The following EPHA3 variants were observed in gnomAD, a reference collection of about 807,000 sequenced individuals.
EPHA3 encodes the protein EPH receptor A3, also known as ephrin type-A receptor 3.
EPHA3 carries 42 observed loss-of-function variants against 107.1 expected under a neutral mutation model. That is an observed-to-expected ratio of 0.39 (90% CI 0.31 to 0.51). The LOEUF is 0.51. Ranked by LOEUF, EPHA3 falls within the 20% of genes least tolerant of loss-of-function variation. The pLI is 0.78. For synonymous variants in EPHA3, 461 were observed against 424.8 expected (o/e 1.09, Z -1.05); for missense variants, 1,183 against 1,211.2 (o/e 0.98, Z 0.35).
intron 5 of EPHA3, among the ~76,000 whole-genome samples, chr3:89,356,398 A>G (rs9836060): frequency 0.35 from 53,074 of 150,440 alleles, 11,919 homozygotes; most frequent in African/African-American, 0.57. Flanking sequence ...AGATCCCTGA[A>G]GAATCGCCAC....
intron 12 of EPHA3, among the ~76,000 whole-genome samples, chr3:89,429,718 CT>C (rs1709528458): frequency 6.6e-6 from 1 of 151,908 alleles, no homozygotes; most frequent in East Asian, 1.9e-4. Flanking sequence ...ATCTATCTAT[CT>C]ATCTATCTAT....
At position 89,317,045 on chromosome 3, in the gene EPHA3, A is replaced by G. The variant is rs566441807; in HGVS notation, c.815-23871A>G. 2.0e-5 allele frequency among the ~76,000 whole-genome samples: 3 copies of G among 151,728 alleles called. No individual in the cohort carries two copies. The South Asian group carries it at 6.2e-4, about 31-fold the overall frequency. The stretch of plus-strand genomic sequence containing the variant: ...ACCGTACCATATCCATCCTACTGCC[A>G]CTCAAGGCTGCCCTCCTTTTTAAAA... On this transcript the variant is annotated intron_variant, in intron 3 of 16. Transcript: ENST00000336596.
chr3:89,438,094 T>C (rs959298801), intron 13 of EPHA3, among the ~76,000 whole-genome samples: 3 of 152,202 alleles, frequency 2.0e-5, no homozygotes, highest in African/African-American at 7.2e-5. Flanking sequence ...ATTTCATTTT[T>C]GTTTTTTTGT....
intron 3 of EPHA3, among the ~76,000 whole-genome samples, chr3:89,335,436 A>G (rs1207428407): frequency 2.0e-5 from 3 of 152,176 alleles, no homozygotes; most frequent in Middle Eastern, 3.2e-3. Flanking sequence ...TTCAACATAT[A>G]TATTTTAGGG....
intron 3 of EPHA3, among the ~76,000 whole-genome samples, chr3:89,278,005 A>AT (rs887861626): frequency 1.2e-4 from 18 of 151,938 alleles, no homozygotes; most frequent in South Asian, 8.3e-4. Flanking sequence ...AATGTATTTG[A>AT]TTTTTTTTGA....
intron 6 of EPHA3, among the ~76,000 whole-genome samples, chr3:89,398,022 C>T (rs1449383908): frequency 6.6e-6 from 1 of 151,994 alleles, no homozygotes; most frequent in African/African-American, 2.4e-5. Context: ...ATCACATATA[C>T]CTAAATTTAA....
intron 1 of EPHA3, among the ~76,000 whole-genome samples, chr3:89,110,355 T>A (rs1707074829): frequency 6.6e-6 from 1 of 151,984 alleles, no homozygotes; most frequent in Non-Finnish European, 1.5e-5. Flanking sequence ...TTGTGTGATG[T>A]GTTTTTTAAT....
intron 3 of EPHA3, among the ~76,000 whole-genome samples, chr3:89,261,692 C>T (rs1048266150): frequency 1.3e-5 from 2 of 151,874 alleles, no homozygotes; most frequent in African/African-American, 4.8e-5. Flanking sequence ...TTATTTGAAC[C>T]CAAAGTGGCC....
intron 13 of EPHA3, among the ~76,000 whole-genome samples, chr3:89,445,978 A>G (rs1332559655): frequency 6.6e-6 from 1 of 152,080 alleles, no homozygotes; most frequent in Non-Finnish European, 1.5e-5. Flanking sequence ...TCTAACAATA[A>G]TATGTGTGTG....
At chr3:89,172,772 A>G (rs562743730) in intron 2 of EPHA3, among the ~76,000 whole-genome samples, 191 of 152,360 alleles carry the variant, frequency 1.3e-3, no homozygotes, top group Non-Finnish European at 2.4e-3. Context: ...TAATAATAAC[A>G]GGACATCAAT....
chr3:89,426,556 G>A (rs1559692026), intron 11 of EPHA3, among the ~76,000 whole-genome samples: 1 of 151,744 alleles, frequency 6.6e-6, no homozygotes, highest in African/African-American at 2.4e-5. Flanking sequence ...TGGTCATGGG[G>A]CTTTGACTTA....
chr3:89,270,506 T>G (rs1193147020), intron 3 of EPHA3, among the ~76,000 whole-genome samples: 2 of 152,118 alleles, frequency 1.3e-5, no homozygotes, highest in Non-Finnish European at 2.9e-5. Context: ...TAAGGAGAGA[T>G]GCAATAATGT....
At chr3:89,402,803 C>G (rs1708990512) in intron 7 of EPHA3, among the ~76,000 whole-genome samples, 1 of 152,072 alleles carries the variant, frequency 6.6e-6, no homozygotes, top group African/African-American at 2.4e-5. Flanking sequence ...TCAAGCGATT[C>G]TATAGCTGGG....
At position 89,472,503 on chromosome 3, in the gene EPHA3, C is replaced by T. The variant is rs1287839298; in HGVS notation, c.2730C>T (p.Ile910=). The change falls in exon 16 of 17, where the codon ATC becomes ATT. Residue 910 remains isoleucine (I), a synonymous_variant. Coordinates refer to ENST00000336596, the MANE Select transcript of EPHA3 (RefSeq NM_005233.6). ...NLLLDQSNVD[I]TTFRTTGDWL... ...TTCTGGACCAAAGCAATGTGGATAT[C>T]ACTACCTTCCGCACAACAGGTGACT... The T allele has an allele frequency of 2.5e-6, 4 of 1,614,014 alleles. No homozygotes were observed. The highest frequency in any genetic ancestry group is 2.2e-5 in the East Asian group (1 of 44,872).
intron 3 of EPHA3, among the ~76,000 whole-genome samples, chr3:89,287,048 T>A (rs1706104485): frequency 6.6e-6 from 1 of 152,192 alleles, no homozygotes; most frequent in Non-Finnish European, 1.5e-5. Flanking sequence ...ACCTGACTAC[T>A]GGCAAGTCCT....
chr3:89,151,697 T>C (rs1240294686), intron 2 of EPHA3, among the ~76,000 whole-genome samples: 2 of 152,148 alleles, frequency 1.3e-5, no homozygotes, highest in African/African-American at 2.4e-5. Flanking sequence ...ACAAACAATA[T>C]ATTATTTTAG....
intron 3 of EPHA3, among the ~76,000 whole-genome samples, chr3:89,316,160 A>G (rs1559644133): frequency 6.6e-6 from 1 of 151,856 alleles, no homozygotes; most frequent in Non-Finnish European, 1.5e-5. Flanking sequence ...TATAGCTGGC[A>G]CGAAAGTAGG....
At chr3:89,282,339 G>C (rs1228077426) in intron 3 of EPHA3, among the ~76,000 whole-genome samples, 2 of 152,128 alleles carry the variant, frequency 1.3e-5, no homozygotes. Flanking sequence ...TTTGTTTTGA[G>C]TATTGAGGAA....
At chr3:89,213,589 G>A (rs9310115) in intron 3 of EPHA3, among the ~76,000 whole-genome samples, 115,033 of 151,822 alleles carry the variant, frequency 0.76, 44,350 homozygotes, top group Admixed American at 0.84. Flanking sequence ...ATGAAGTAAA[G>A]GAATAACAAA....
Sources: gnomAD v4.1 joint callset for allele counts (sites outside exome capture counted in the v4.1 genomes callset) on GRCh38, gnomAD v4.1.1 for gene constraint, MANE v1.5 for transcripts, NCBI Gene and HGNC (gene_info 2026-07-23, HGNC 2026-07-21) for gene names.